ZDHHC7: variants seen among roughly 807,000 people sequenced by gnomAD.
ZDHHC7 encodes the protein palmitoyltransferase ZDHHC7.
A neutral mutation model predicts 34.1 loss-of-function variants in ZDHHC7; 12 were observed. That is an observed-to-expected ratio of 0.35 (90% CI 0.23 to 0.57). The LOEUF (loss-of-function observed/expected upper bound fraction) is 0.57. Among genes scored for constraint, ZDHHC7 ranks in the 20% least tolerant of loss-of-function variants. ZDHHC7 has a pLI of 0.84. For missense variants in ZDHHC7, 388 were observed against 402.7 expected (o/e 0.96, Z 0.31); for synonymous variants, 185 against 155.4 (o/e 1.19, Z -1.42).
chr16:84,984,704 G>C (rs1036406745), intron 3 of ZDHHC7, among the ~76,000 whole-genome samples: 6 of 152,086 alleles, frequency 3.9e-5, no homozygotes, highest in Non-Finnish European at 4.4e-5. Flanking sequence ...ATTCCTTTTT[G>C]CTGCTCAGAA....
intron 1 of ZDHHC7, among the ~76,000 whole-genome samples, chr16:85,005,957 A>AC (rs1313866895): frequency 6.6e-6 from 1 of 152,036 alleles, no homozygotes; most frequent in Non-Finnish European, 1.5e-5. Context: ...CACCTTTCCC[A>AC]CAACCCAAAT....
In ZDHHC7 at chr16:84,977,987, A is replaced by T; in HGVS notation, c.556T>A (p.Ser186Thr). Residue 186 changes from serine to threonine, a missense_variant, in exon 6 of 8, where the codon TCA becomes ACA. Physicochemically the swap from Ser to Thr is moderately conservative, Grantham distance 58 (BLOSUM62 1). Coordinates refer to ENST00000313732, the MANE Select transcript of ZDHHC7 (RefSeq NM_017740.3). ...CCACAAAGGATCAGAGCATGGACTG[A>T]AGACAGAGCTATATACATCTAGAAT... Reference protein sequence around the residue: ...VLFTMYIALSSVHALILCGFQ... With the variant: ...VLFTMYIALSTVHALILCGFQ... 6.2e-7 allele frequency: 1 copy of T among 1,613,792 alleles called. No homozygotes were observed. The highest frequency in any genetic ancestry group is 8.5e-7 in the Non-Finnish European group (1 of 1,179,718).
intron 1 of ZDHHC7, among the ~76,000 whole-genome samples, chr16:85,009,612 A>G (rs2072761859): frequency 2.0e-5 from 3 of 152,120 alleles, no homozygotes. Flanking sequence ...TATTTTCCAG[A>G]ATGTTCAAGA....
intron 1 of ZDHHC7, among the ~76,000 whole-genome samples, chr16:85,011,046 G>C (rs760178853): frequency 1.3e-5 from 2 of 152,282 alleles, no homozygotes; most frequent in Non-Finnish European, 2.9e-5. Flanking sequence ...CAGGCAAAAA[G>C]CTGGGGCTGC....
At chr16:84,986,796 G>A (rs866859655) in intron 3 of ZDHHC7, among the ~76,000 whole-genome samples, 5 of 152,148 alleles carry the variant, frequency 3.3e-5, no homozygotes, top group Non-Finnish European at 5.9e-5. Context: ...ATGACATGAA[G>A]TCCCACTGGG....
At chr16:84,986,973 C>A (rs1307254210) in intron 3 of ZDHHC7, among the ~76,000 whole-genome samples, 1 of 152,204 alleles carries the variant, frequency 6.6e-6, no homozygotes, top group Non-Finnish European at 1.5e-5. Flanking sequence ...CATGCCCACT[C>A]TCCCCTTCAG....
upstream of ZDHHC7, among the ~76,000 whole-genome samples, chr16:85,013,287 G>A (rs946682281): frequency 1.3e-5 from 2 of 152,044 alleles, no homozygotes; most frequent in African/African-American, 4.8e-5. Context: ...CTGTCTCCCA[G>A]GCTGGAGTGC....
the ZDHHC7 span, among the ~76,000 whole-genome samples, chr16:85,021,409 C>CAAA: frequency 0.046 from 3,948 of 85,358 alleles, 167 homozygotes; most frequent in Middle Eastern, 0.075. Context: ...AGACTCCATC[C>CAAA]AAAAAAAAAA....
At chr16:84,988,096 T>G (rs2072460585) in intron 3 of ZDHHC7, among the ~76,000 whole-genome samples, 1 of 151,944 alleles carries the variant, frequency 6.6e-6, no homozygotes, top group Non-Finnish European at 1.5e-5. Context: ...CATGAACCCC[T>G]GGGGGCGGAG....
chr16:85,006,805 C>A (rs191547120), intron 1 of ZDHHC7, among the ~76,000 whole-genome samples: 2 of 152,090 alleles, frequency 1.3e-5, no homozygotes, highest in Non-Finnish European at 2.9e-5. Flanking sequence ...CAACCTGTTG[C>A]GAAACCTTCT....
the ZDHHC7 span, among the ~76,000 whole-genome samples, chr16:85,019,318 G>A: frequency 5.1e-4 from 78 of 152,156 alleles, no homozygotes; most frequent in Non-Finnish European, 9.6e-4. Context: ...GGGTTTTGTT[G>A]GTGTTGTTCA....
intron 1 of ZDHHC7, among the ~76,000 whole-genome samples, chr16:85,008,658 G>C (rs1450028225): frequency 6.6e-6 from 1 of 151,942 alleles, no homozygotes; most frequent in Non-Finnish European, 1.5e-5. Flanking sequence ...CACACAGCAA[G>C]TTGTTAACAC....
chr16:85,021,128 A>AG, the ZDHHC7 span, among the ~76,000 whole-genome samples: 336 of 150,350 alleles, frequency 2.2e-3, 3 homozygotes, highest in East Asian at 0.018. Flanking sequence ...AAATTAAAAA[A>AG]GGGGGGGGTG....
intron 5 of ZDHHC7, among the ~76,000 whole-genome samples, chr16:84,978,558 A>G (rs1597529939): frequency 6.7e-6 from 1 of 150,050 alleles, no homozygotes; most frequent in East Asian, 2.1e-4. Flanking sequence ...ACACAGCAAA[A>G]CCCCGTCTAT....
At chr16:85,017,801 T>A in the ZDHHC7 span, among the ~76,000 whole-genome samples, 2 of 152,122 alleles carry the variant, frequency 1.3e-5, no homozygotes, top group Non-Finnish European at 2.9e-5. Context: ...GCACAGTGAT[T>A]TATTGCAAAG....
intron 2 of ZDHHC7, among the ~76,000 whole-genome samples, chr16:84,994,622 C>T (rs1386478439): frequency 6.6e-6 from 1 of 152,240 alleles, no homozygotes; most frequent in Non-Finnish European, 1.5e-5. Flanking sequence ...GTGCAGGATG[C>T]TGCTGTGGCT....
chr16:85,002,793 T>C (rs2072669971), intron 1 of ZDHHC7, among the ~76,000 whole-genome samples: 1 of 151,872 alleles, frequency 6.6e-6, no homozygotes. Flanking sequence ...AACCCGGGCA[T>C]GAAGAGAAGT....
chr16:84,989,782 G>T (rs2072484340), intron 3 of ZDHHC7, among the ~76,000 whole-genome samples: 1 of 151,442 alleles, frequency 6.6e-6, no homozygotes, highest in Non-Finnish European at 1.5e-5. Context: ...GAACCCAGTA[G>T]ATTTTAAATT....
At chr16:85,007,458 C>T (rs533223523) in intron 1 of ZDHHC7, among the ~76,000 whole-genome samples, 1 of 148,054 alleles carries the variant, frequency 6.8e-6, no homozygotes, top group East Asian at 2.0e-4. Context: ...TGGAATGGAA[C>T]TCAGAAGCAA....
Sources: allele counts gnomAD v4.1 joint callset (sites outside exome capture counted in the v4.1 genomes callset), GRCh38; gene constraint gnomAD v4.1.1; transcripts MANE v1.5; gene names NCBI Gene and HGNC (gene_info 2026-07-23, HGNC 2026-07-21).